Variants in RNF6 observed in about 807,000 individuals in gnomAD.
The protein encoded by RNF6 is E3 ubiquitin-protein ligase RNF6.
A neutral mutation model predicts 50.1 loss-of-function variants in RNF6; 21 were observed. The ratio of observed to expected loss-of-function variants is 0.42; its 90% CI spans 0.30 to 0.60. RNF6 has a LOEUF of 0.60. Among genes scored for constraint, RNF6 ranks in the 20% least tolerant of loss-of-function variants. The pLI is 0.20. For missense variants in RNF6, 698 were observed against 838.2 expected (o/e 0.83, Z 2.07); for synonymous variants, 255 against 291.8 (o/e 0.87, Z 1.29).
chr13:26,149,963 T>TAC (rs1293746540), intron 5 of RNF6, among the ~76,000 whole-genome samples: 1 of 103,700 alleles, frequency 9.6e-6, no homozygotes, highest in Non-Finnish European at 2.0e-5. Context: ...TATATATATA[T>TAC]ACACAGTGTA....
intron 5 of RNF6, among the ~76,000 whole-genome samples, chr13:26,189,774 T>G (rs1161733662): frequency 1.3e-5 from 2 of 152,216 alleles, no homozygotes; most frequent in African/African-American, 4.8e-5. Context: ...CATGTTTGTT[T>G]ATTTATTTAC....
chr13:26,141,092 G>A (rs1192825683), intron 5 of RNF6, among the ~76,000 whole-genome samples: 1 of 152,050 alleles, frequency 6.6e-6, no homozygotes, highest in African/African-American at 2.4e-5. Flanking sequence ...CTATCAAAAT[G>A]CCAACATCAT....
At chr13:26,168,840 A>C (rs1872561801) in intron 5 of RNF6, among the ~76,000 whole-genome samples, 1 of 152,178 alleles carries the variant, frequency 6.6e-6, no homozygotes, top group Non-Finnish European at 1.5e-5. Context: ...CTATCTCTAC[A>C]AAAAATTTAA....
intron 5 of RNF6, among the ~76,000 whole-genome samples, chr13:26,171,469 T>C (rs1872694017): frequency 6.6e-6 from 1 of 152,216 alleles, no homozygotes; most frequent in South Asian, 2.1e-4. Flanking sequence ...TAGTGCAGCT[T>C]CTGTGTAAAA....
intron 5 of RNF6, among the ~76,000 whole-genome samples, chr13:26,206,379 G>A (rs1302114983): frequency 6.6e-6 from 1 of 152,212 alleles, no homozygotes; most frequent in Non-Finnish European, 1.5e-5. Flanking sequence ...GTCTGCAGCA[G>A]GCTGTCGAAT....
At chr13:26,171,679 G>A (rs372801243) in intron 5 of RNF6, among the ~76,000 whole-genome samples, 1 of 152,050 alleles carries the variant, frequency 6.6e-6, no homozygotes, top group Non-Finnish European at 1.5e-5. Context: ...GATGAAATGT[G>A]GTACAAAAAT....
At chr13:26,168,038 C>T (rs1872531671) in intron 5 of RNF6, among the ~76,000 whole-genome samples, 1 of 152,008 alleles carries the variant, frequency 6.6e-6, no homozygotes, top group Admixed American at 6.6e-5. Flanking sequence ...GACACTGGGG[C>T]CTACCTTAGG....
At chr13:26,170,194 T>C (rs1054964070) in intron 5 of RNF6, among the ~76,000 whole-genome samples, 1 of 151,468 alleles carries the variant, frequency 6.6e-6, no homozygotes, top group African/African-American at 2.4e-5. Flanking sequence ...GCCATCTGAT[T>C]GGGAGCAAAC....
At chr13:26,175,419 A>C (rs1276443238) in intron 5 of RNF6, among the ~76,000 whole-genome samples, 2 of 152,120 alleles carry the variant, frequency 1.3e-5, no homozygotes, top group African/African-American at 4.8e-5. Context: ...GCGAAGAGTA[A>C]GAAACTTTCC....
chr13:26,184,018 ATTTTTTTTTTT>A (rs1169961717), intron 5 of RNF6, among the ~76,000 whole-genome samples: 542 of 33,880 alleles, frequency 0.016, 4 homozygotes, highest in African/African-American at 0.041. Flanking sequence ...ATATATATAT[ATTTTTTTTTTT>A]TTTTTTTTTT....
At chr13:26,169,109 C>A (rs931881853) in intron 5 of RNF6, among the ~76,000 whole-genome samples, 1 of 152,178 alleles carries the variant, frequency 6.6e-6, no homozygotes, top group African/African-American at 2.4e-5. Context: ...AAGCTCCTCT[C>A]CTGCCCACCC....
chr13:26,158,192 C>A (rs911775050), intron 5 of RNF6, among the ~76,000 whole-genome samples: 1 of 152,122 alleles, frequency 6.6e-6, no homozygotes, highest in African/African-American at 2.4e-5. Context: ...CTCTGCAACA[C>A]CTCCATAAGA....
Position 26,219,673 on chromosome 13 carries a change from C to T in RNF6, c.-18-6G>A. ...ATCCTGAGATTCCTGGCTTTCTGTT[C>T]AAACAATATAAACAACATTCAAGGT... On this transcript the variant is annotated splice_region_variant and splice_polypyrimidine_tract_variant and intron_variant, in intron 2 of 4. Transcript: ENST00000381588. The T allele has an allele frequency of 6.2e-7, 1 of 1,609,222 alleles. No homozygotes were observed. Among genetic ancestry groups the T allele is most frequent in the Non-Finnish European group, 8.5e-7 (1 of 1,178,232 alleles).
At chr13:26,194,781 A>T (rs1474971935) in intron 5 of RNF6, among the ~76,000 whole-genome samples, 2 of 152,224 alleles carry the variant, frequency 1.3e-5, no homozygotes, top group Non-Finnish European at 2.9e-5. Context: ...GTTCAAGGGC[A>T]GGAAGGGTCC....
chr13:26,181,346 C>T (rs373973636), intron 5 of RNF6, among the ~76,000 whole-genome samples: 21 of 152,214 alleles, frequency 1.4e-4, no homozygotes, highest in Non-Finnish European at 2.9e-5. Context: ...CATAGGCAGG[C>T]AGAGGCCGAT....
intron 5 of RNF6, among the ~76,000 whole-genome samples, chr13:26,146,802 C>T (rs188529): frequency 0.93 from 142,105 of 152,192 alleles, 66,436 homozygotes; most frequent in East Asian, 0.99. Context: ...TGGCTCTGTG[C>T]CCACACCCAA....
intron 5 of RNF6, among the ~76,000 whole-genome samples, chr13:26,157,956 AAGATAGATAGAT>A (rs151267109): frequency 0.027 from 3,996 of 146,720 alleles, 68 homozygotes; most frequent in South Asian, 0.045. Flanking sequence ...AGCTAGCTAG[AAGATAGATAGAT>A]AGATAGATAG....
rs550262264 is a variant in RNF6 at position 26,152,047 on chromosome 13, T to C, written n.769-19596A>G. On this transcript the variant is annotated intron_variant and non_coding_transcript_variant, in intron 5 of 5. Coordinates refer to the RNF6 transcript ENST00000468480. ...CTTCTGCGGGTAACACACCAACCTCTTTTATAACCTGGCCTCGGCTAACAC... is the reference window on the plus strand; with the variant it reads ...CTTCTGCGGGTAACACACCAACCTCCTTTATAACCTGGCCTCGGCTAACAC... Among the ~76,000 whole-genome samples, 70 of 152,318 alleles carry C rather than the reference T, an allele frequency of 4.6e-4. 1 individual carries two copies. The highest frequency in any genetic ancestry group is 1.4e-3 in the Admixed American group (21 of 15,296).
intron 5 of RNF6, among the ~76,000 whole-genome samples, chr13:26,158,533 A>C (rs1346436530): frequency 6.6e-6 from 1 of 152,226 alleles, no homozygotes; most frequent in African/African-American, 2.4e-5. Context: ...CTACTAGTAA[A>C]AAATGGTTAA....
Sources: gnomAD v4.1 joint callset for allele counts (sites outside exome capture counted in the v4.1 genomes callset) on GRCh38, gnomAD v4.1.1 for gene constraint, MANE v1.5 for transcripts, NCBI Gene and HGNC (gene_info 2026-07-23, HGNC 2026-07-21) for gene names.